Variants in IL1RAPL2 observed in about 807,000 individuals in gnomAD.
IL1RAPL2 encodes interleukin 1 receptor accessory protein like 2.
In IL1RAPL2, 3 loss-of-function variants were observed where a neutral mutation model predicts 44.1. The ratio of observed to expected loss-of-function variants is 0.07; its 90% CI spans 0.03 to 0.18. The LOEUF is 0.18. Ranked by LOEUF, IL1RAPL2 falls within the 10% of genes least tolerant of loss-of-function variation. The probability of loss-of-function intolerance (pLI) is 1.00; values close to 1 mark genes in which losing one functional copy is unlikely to be tolerated. For missense variants in IL1RAPL2, 391 were observed against 496.4 expected (o/e 0.79, Z 2.02); for synonymous variants, 181 against 178.8 (o/e 1.01, Z -0.10).
intron 2 of IL1RAPL2, among the ~76,000 whole-genome samples, chrX:104,817,905 C>T (rs1217656367): frequency 1.8e-5 from 2 of 110,913 alleles, no homozygotes; most frequent in Admixed American, 9.6e-5. Context: ...AAGGATGACT[C>T]CTATTTTTCA....
At chrX:105,764,610 G>C in intron 10 of IL1RAPL2, among the ~76,000 whole-genome samples, 1 of 111,319 alleles carries the variant, frequency 9.0e-6, no homozygotes, top group East Asian at 2.8e-4. Context: ...AGACCAGCCT[G>C]AGCAACATAG....
intron 6 of IL1RAPL2, among the ~76,000 whole-genome samples, chrX:105,487,091 CA>C (rs397896906): frequency 0.25 from 9,380 of 38,128 alleles, 1,253 homozygotes; most frequent in African/African-American, 0.53. Context: ...GACTCCATCT[CA>C]AAAAAAAAAA....
At chrX:104,889,861 A>G (rs1318670971) in intron 2 of IL1RAPL2, among the ~76,000 whole-genome samples, 1 of 111,746 alleles carries the variant, frequency 8.9e-6, no homozygotes, top group Non-Finnish European at 1.9e-5. Context: ...CAGGTTTGTT[A>G]CATAGGTATA....
intron 6 of IL1RAPL2, among the ~76,000 whole-genome samples, chrX:105,552,014 G>A (rs2036860825): frequency 9.1e-6 from 1 of 109,478 alleles, no homozygotes; most frequent in Non-Finnish European, 1.9e-5. Flanking sequence ...GCTGAGGCAG[G>A]AGAATGGCAT....
intron 2 of IL1RAPL2, among the ~76,000 whole-genome samples, chrX:104,934,839 A>G (rs1924989899): frequency 8.9e-6 from 1 of 112,018 alleles, no homozygotes; most frequent in Non-Finnish European, 1.9e-5. Flanking sequence ...GCATACAAAT[A>G]TAGATAGCCA....
intron 5 of IL1RAPL2, among the ~76,000 whole-genome samples, chrX:105,413,863 C>T (rs2035713820): frequency 8.9e-6 from 1 of 112,078 alleles, no homozygotes; most frequent in African/African-American, 3.2e-5. Context: ...ATGAGATGTG[C>T]TGTATATGTA....
At chrX:104,765,375 T>A (rs757627421) in intron 2 of IL1RAPL2, among the ~76,000 whole-genome samples, 3 of 112,124 alleles carry the variant, frequency 2.7e-5, no homozygotes, top group Non-Finnish European at 3.8e-5. Flanking sequence ...TATATTGGTC[T>A]GAATTTTAAA....
At chrX:105,073,915 G>A (rs2032248031) in intron 2 of IL1RAPL2, among the ~76,000 whole-genome samples, 1 of 111,212 alleles carries the variant, frequency 9.0e-6, no homozygotes, top group Non-Finnish European at 1.9e-5. Flanking sequence ...AAATTTGTTG[G>A]AGTTCATTGT....
intron 4 of IL1RAPL2, among the ~76,000 whole-genome samples, chrX:105,237,615 A>ACG (rs1556203206): frequency 9.0e-5 from 10 of 111,519 alleles, no homozygotes; most frequent in Non-Finnish European, 1.9e-4. Flanking sequence ...GCATTTTTTC[A>ACG]TGTCTTTTGG....
intron 2 of IL1RAPL2, among the ~76,000 whole-genome samples, chrX:104,717,685 T>C (rs1931596917): frequency 9.1e-6 from 1 of 109,488 alleles, no homozygotes; most frequent in African/African-American, 3.3e-5. Context: ...TATGTATACA[T>C]GTGCCATGTT....
At chrX:104,706,978 C>T (rs1207124217) in intron 2 of IL1RAPL2, among the ~76,000 whole-genome samples, 1 of 111,326 alleles carries the variant, frequency 9.0e-6, no homozygotes, top group African/African-American at 3.3e-5. Flanking sequence ...TTAATATATC[C>T]AATGACAAAA....
chrX:105,447,278 AATATATATAAATATAAAT>A (rs1359980334), intron 5 of IL1RAPL2, among the ~76,000 whole-genome samples: 1 of 50,190 alleles, frequency 2.0e-5, no homozygotes, highest in African/African-American at 8.4e-5. Flanking sequence ...ATATATATAA[AATATATATAAATATAAAT>A]ATATATATAA....
At chrX:104,793,098 G>T (rs927354682) in intron 2 of IL1RAPL2, among the ~76,000 whole-genome samples, 5 of 112,343 alleles carry the variant, frequency 4.5e-5, no homozygotes, top group African/African-American at 1.6e-4. Flanking sequence ...GTCACGACAA[G>T]AATGGCCACT....
intron 5 of IL1RAPL2, among the ~76,000 whole-genome samples, chrX:105,360,845 G>A (rs1279599815): frequency 9.9e-5 from 11 of 111,418 alleles, no homozygotes; most frequent in Admixed American, 3.9e-4. Flanking sequence ...GTATTTCCCT[G>A]TAGAGCAGAT....
At chrX:105,013,942 G>T (rs1025796653) in intron 2 of IL1RAPL2, among the ~76,000 whole-genome samples, 23 of 112,207 alleles carry the variant, frequency 2.0e-4, no homozygotes, top group Admixed American at 1.4e-3. Context: ...GGGCATAACT[G>T]CCCTGACTCC....
intron 2 of IL1RAPL2, among the ~76,000 whole-genome samples, chrX:105,124,490 A>C (rs768753051): frequency 2.7e-5 from 3 of 110,326 alleles, no homozygotes; most frequent in Non-Finnish European, 5.7e-5. Flanking sequence ...AGGCTCATAA[A>C]TGTTATAACA....
chrX:104,677,537 C>T (rs1358674628), intron 2 of IL1RAPL2, among the ~76,000 whole-genome samples: 6 of 111,984 alleles, frequency 5.4e-5, no homozygotes, highest in Admixed American at 3.7e-4. Context: ...GCAGAGGTTA[C>T]TGCTGTCTTT....
intron 2 of IL1RAPL2, among the ~76,000 whole-genome samples, chrX:105,128,482 T>C (rs972570095): frequency 9.0e-6 from 1 of 111,370 alleles, no homozygotes; most frequent in Non-Finnish European, 1.9e-5. Context: ...TGTACACTTC[T>C]CTGCACTCTC....
chrX:105,383,066 A>G (rs965093139), intron 5 of IL1RAPL2, among the ~76,000 whole-genome samples: 1 of 109,690 alleles, frequency 9.1e-6, no homozygotes, highest in Admixed American at 9.7e-5. Context: ...ACATGTATAC[A>G]TATGTAACAA....
Sources: allele counts gnomAD v4.1 joint callset (sites outside exome capture counted in the v4.1 genomes callset), GRCh38; gene constraint gnomAD v4.1.1; transcripts MANE v1.5; gene names NCBI Gene and HGNC (gene_info 2026-07-23, HGNC 2026-07-21).